PDLIM5: variants seen among roughly 807,000 people sequenced by gnomAD.
PDLIM5 encodes PDZ and LIM domain 5.
Under a neutral mutation model 64.2 loss-of-function variants are expected in PDLIM5, and 34 were observed. The ratio of observed to expected loss-of-function variants is 0.53; its 90% CI spans 0.40 to 0.71. The LOEUF (loss-of-function observed/expected upper bound fraction) is 0.71, where lower values mean the gene tolerates loss of function less well. Among genes scored for constraint, PDLIM5 ranks in the 30% least tolerant of loss-of-function variants. The probability of loss-of-function intolerance (pLI) is 0.00; values close to 1 mark genes in which losing one functional copy is unlikely to be tolerated. For synonymous variants in PDLIM5, 253 were observed against 269.1 expected (o/e 0.94, Z 0.59); for missense variants, 683 against 733.6 (o/e 0.93, Z 0.80).
At chr4:94,482,726 A>C (rs900605371) in intron 2 of PDLIM5, among the ~76,000 whole-genome samples, 1 of 152,014 alleles carries the variant, frequency 6.6e-6, no homozygotes, top group Non-Finnish European at 1.5e-5. Context: ...CTGCTTCTAC[A>C]AAAAATTAAA....
chr4:94,553,253 T>A (rs1317727996), intron 3 of PDLIM5, among the ~76,000 whole-genome samples: 1 of 151,852 alleles, frequency 6.6e-6, no homozygotes, highest in African/African-American at 2.4e-5. Flanking sequence ...GGATTACAGG[T>A]GCATGCCAGA....
At chr4:94,657,336 T>C in intron 10 of PDLIM5, 91 bp from the exon 11 acceptor site, 1 of 898,258 alleles carries the variant, frequency 1.1e-6, no homozygotes, top group East Asian at 2.5e-5. Context: ...GGATTAGCTC[T>C]ACAGGGATTT....
At position 94,584,697 on chromosome 4, in the gene PDLIM5, C is replaced by G. The variant is rs960139196; in HGVS notation, c.711-868C>G. 1.7e-5 allele frequency: 6 copies of G among 353,850 alleles called. No individual in the cohort carries two copies. The Admixed American group carries it at 2.4e-4, about 14-fold the overall frequency. 21.9% of individuals were successfully genotyped at this position (353,850 alleles called of 1,614,324 possible). A position where few individuals can be genotyped will look rare whatever the true frequency, so the allele number is the denominator to read the frequency against. ...TTGTATTCGGAATTGCTAGTTTAGC[C>G]TCTACTAAACCATACTTGGTTCCTG... On this transcript the variant is annotated intron_variant, in intron 5 of 12. Transcript: ENST00000317968.
intron 2 of PDLIM5, among the ~76,000 whole-genome samples, chr4:94,462,326 C>T (rs554222747): frequency 6.6e-6 from 1 of 152,224 alleles, no homozygotes; most frequent in South Asian, 2.1e-4. Flanking sequence ...ATCTCCTCCC[C>T]ACCCTCCTTT....
At chr4:94,452,880 A>G (rs1417198406) in intron 1 of PDLIM5, among the ~76,000 whole-genome samples, 1 of 152,172 alleles carries the variant, frequency 6.6e-6, no homozygotes, top group Non-Finnish European at 1.5e-5. Flanking sequence ...CCTCCTGGAA[A>G]ACTGTCCTGT....
At chr4:94,483,863 T>C (rs1321518635) in intron 2 of PDLIM5, among the ~76,000 whole-genome samples, 2 of 152,226 alleles carry the variant, frequency 1.3e-5, no homozygotes, top group Non-Finnish European at 2.9e-5. Flanking sequence ...GTTATATTTA[T>C]CTTAGTACAA....
chr4:94,657,308 A>G, intron 10 of PDLIM5, 119 bp from the exon 11 acceptor site: 1 of 611,088 alleles, frequency 1.6e-6, no homozygotes, highest in Middle Eastern at 2.8e-4. Flanking sequence ...ACAAAAATGA[A>G]GTATGTGTGC....
At chr4:94,649,647 A>AT (rs749437619) in intron 9 of PDLIM5, among the ~76,000 whole-genome samples, 7 of 152,210 alleles carry the variant, frequency 4.6e-5, no homozygotes, top group Non-Finnish European at 1.0e-4. Flanking sequence ...CCTAGCACAT[A>AT]TTGCATTTAG....
chr4:94,595,866 A>G (rs1023016741), intron 7 of PDLIM5, among the ~76,000 whole-genome samples: 2 of 152,220 alleles, frequency 1.3e-5, no homozygotes, highest in African/African-American at 4.8e-5. Flanking sequence ...GATAAGAATT[A>G]GCAATTGGAC....
rs751647042 is a variant in PDLIM5, at chr4:94,618,052, A to G, written c.969A>G (p.Thr323=). The change falls in exon 8 of 13, where the codon ACA becomes ACG. Residue 323 remains threonine (T), a synonymous_variant. Coordinates refer to ENST00000317968, the MANE Select transcript of PDLIM5 (RefSeq NM_006457.5). ...SPQLASSVAS[T]RSMPESLDSP... is the part of the protein sequence containing the mutation. ...AGTTGGCTTCCTCGGTAGCTTCCAC[A>G]CGGAGCATGCCCGAGAGCCTGGACA... 4.3e-5 allele frequency: 69 copies of G among 1,605,394 alleles called. No homozygotes were observed. Among genetic ancestry groups the G allele is most frequent in the Non-Finnish European group, 5.7e-5 (67 of 1,176,166 alleles).
At chr4:94,480,252 T>A (rs542528644) in intron 2 of PDLIM5, among the ~76,000 whole-genome samples, 1 of 152,354 alleles carries the variant, frequency 6.6e-6, no homozygotes, top group South Asian at 2.1e-4. Flanking sequence ...AAACATTTAC[T>A]TGAGTTACCT....
intron 8 of PDLIM5, among the ~76,000 whole-genome samples, chr4:94,621,854 A>T (rs117115174): frequency 1.3e-5 from 2 of 152,226 alleles, no homozygotes; most frequent in African/African-American, 2.4e-5. Flanking sequence ...CAAAACTACA[A>T]TATAAAACAT....
At chr4:94,459,743 TTTG>T (rs1345328324) in intron 2 of PDLIM5, among the ~76,000 whole-genome samples, 3 of 152,178 alleles carry the variant, frequency 2.0e-5, no homozygotes, top group Non-Finnish European at 4.4e-5. Flanking sequence ...GTGTAAATCT[TTTG>T]TTTGTGGGGG....
chr4:94,639,192 G>T (rs1420763072), intron 8 of PDLIM5, among the ~76,000 whole-genome samples: 1 of 152,152 alleles, frequency 6.6e-6, no homozygotes, highest in East Asian at 1.9e-4. Context: ...AAGAAAAAGT[G>T]AGGCAGTTTA....
intron 2 of PDLIM5, among the ~76,000 whole-genome samples, chr4:94,516,508 GTCTCTC>G (rs3838638): frequency 0.2 from 30,066 of 149,726 alleles, 3,388 homozygotes; most frequent in East Asian, 0.26. Flanking sequence ...ATCCAAAGCA[GTCTCTC>G]TCTCTCTCTC....
chr4:94,507,424 C>T (rs1473595506), intron 2 of PDLIM5, among the ~76,000 whole-genome samples: 1 of 152,022 alleles, frequency 6.6e-6, no homozygotes, highest in African/African-American at 2.4e-5. Flanking sequence ...ATATCTAAAT[C>T]GGGTATGGGT....
chr4:94,481,824 T>C (rs145161091), intron 2 of PDLIM5, among the ~76,000 whole-genome samples: 2,570 of 152,162 alleles, frequency 0.017, 36 homozygotes, highest in Admixed American at 0.033. Context: ...TTAGCCAGGA[T>C]GGTCTTGATC....
intron 2 of PDLIM5, among the ~76,000 whole-genome samples, chr4:94,518,923 C>A (rs1298240914): frequency 6.6e-6 from 1 of 152,164 alleles, no homozygotes; most frequent in Admixed American, 6.5e-5. Flanking sequence ...TCTCTGGCCT[C>A]CAGCTCAAGG....
At chr4:94,601,208 G>T (rs997502206) in intron 7 of PDLIM5, among the ~76,000 whole-genome samples, 1 of 152,192 alleles carries the variant, frequency 6.6e-6, no homozygotes, top group African/African-American at 2.4e-5. Flanking sequence ...TGTACACTCA[G>T]TGTCTGGTGA....
Sources: gnomAD v4.1 joint callset for allele counts (sites outside exome capture counted in the v4.1 genomes callset) on GRCh38, gnomAD v4.1.1 for gene constraint, MANE v1.5 for transcripts, NCBI Gene and HGNC (gene_info 2026-07-23, HGNC 2026-07-21) for gene names.